The following SUSD1 variants were observed in gnomAD, a reference collection of about 807,000 sequenced individuals.
SUSD1 encodes the protein sushi domain-containing protein 1.
In SUSD1, 65 loss-of-function variants were observed where a neutral mutation model predicts 86.9. That is an observed-to-expected ratio of 0.75 (90% CI 0.61 to 0.92). The LOEUF is 0.92. Among genes scored for constraint, SUSD1 ranks in the 40% least tolerant of loss-of-function variants. SUSD1 has a pLI of 0.00. For missense variants in SUSD1, 850 were observed against 929.7 expected, an observed-to-expected ratio of 0.91 and a Z score of 1.11; for synonymous variants, 346 against 350.0, an observed-to-expected ratio of 0.99 and a Z score of 0.13.
At chr9:112,057,268 T>A (rs1266432227) in intron 14 of SUSD1, among the ~76,000 whole-genome samples, 1 of 152,154 alleles carries the variant, frequency 6.6e-6, no homozygotes, top group Non-Finnish European at 1.5e-5. Context: ...GAGAAATAAA[T>A]GTCTGTTGCC....
intron 3 of SUSD1, among the ~76,000 whole-genome samples, chr9:112,148,351 C>T (rs572982558): frequency 1.3e-5 from 2 of 152,246 alleles, no homozygotes; most frequent in South Asian, 4.2e-4. Flanking sequence ...ATTCGACCAG[C>T]CTATGCTCAG....
At chr9:112,174,857 T>TG (rs1834200672) in intron 1 of SUSD1, among the ~76,000 whole-genome samples, 1 of 151,730 alleles carries the variant, frequency 6.6e-6, no homozygotes. Flanking sequence ...TCCTGGGCAG[T>TG]GGAGGTCCCT....
At chr9:112,154,733 G>A (rs1255386804) in intron 2 of SUSD1, among the ~76,000 whole-genome samples, 2 of 152,132 alleles carry the variant, frequency 1.3e-5, no homozygotes, top group South Asian at 2.1e-4. Flanking sequence ...GACCTCACTG[G>A]AAGGGACATT....
intron 5 of SUSD1, among the ~76,000 whole-genome samples, chr9:112,131,968 C>A (rs974734611): frequency 1.3e-5 from 2 of 152,092 alleles, no homozygotes; most frequent in Admixed American, 6.5e-5. Flanking sequence ...GTTTCAAGGG[C>A]CAAATTTATA....
intron 10 of SUSD1, among the ~76,000 whole-genome samples, chr9:112,097,675 A>G (rs1392070205): frequency 6.6e-6 from 1 of 152,076 alleles, no homozygotes; most frequent in Non-Finnish European, 1.5e-5. Flanking sequence ...CTGGGATTAC[A>G]GTCGTGAGCC....
chr9:112,168,754 T>C (rs1475438059), intron 1 of SUSD1, among the ~76,000 whole-genome samples: 1 of 152,130 alleles, frequency 6.6e-6, no homozygotes, highest in Non-Finnish European at 1.5e-5. Context: ...CAGGAGTTCA[T>C]GACTAGCCTG....
chr9:112,132,719 T>C (rs1390410410), intron 5 of SUSD1, among the ~76,000 whole-genome samples: 2 of 152,230 alleles, frequency 1.3e-5, no homozygotes, highest in Non-Finnish European at 2.9e-5. Flanking sequence ...GGGCTGTGCT[T>C]ATACCCTGTA....
chr9:112,133,549 C>G (rs558810805), intron 5 of SUSD1, among the ~76,000 whole-genome samples: 1 of 152,100 alleles, frequency 6.6e-6, no homozygotes, highest in Non-Finnish European at 1.5e-5. Flanking sequence ...TGCCATTTAC[C>G]GTACATAAAA....
chr9:112,132,608 C>T (rs1832079340), intron 5 of SUSD1, among the ~76,000 whole-genome samples: 1 of 152,200 alleles, frequency 6.6e-6, no homozygotes, highest in South Asian at 2.1e-4. Flanking sequence ...CTGCACAATG[C>T]TTACGTTCCA....
intron 5 of SUSD1, among the ~76,000 whole-genome samples, chr9:112,135,063 CAA>C (rs34814068): frequency 1.5e-5 from 2 of 132,728 alleles, no homozygotes; most frequent in Admixed American, 7.8e-5. Context: ...CAAACTGTCT[CAA>C]AAAAAAAAAA....
chr9:112,082,546 A>G (rs1797355864), intron 10 of SUSD1, among the ~76,000 whole-genome samples: 1 of 152,194 alleles, frequency 6.6e-6, no homozygotes, highest in African/African-American at 2.4e-5. Context: ...CAAGGAGTAT[A>G]GGCAGGATCT....
chr9:112,084,677 G>A (rs1829903866), intron 10 of SUSD1, among the ~76,000 whole-genome samples: 1 of 152,154 alleles, frequency 6.6e-6, no homozygotes, highest in Admixed American at 6.6e-5. Context: ...CCCCAGTAGA[G>A]CTCATCCCAA....
At chr9:112,138,803 A>G (rs1042504193) in intron 5 of SUSD1, among the ~76,000 whole-genome samples, 2 of 152,194 alleles carry the variant, frequency 1.3e-5, no homozygotes, top group African/African-American at 4.8e-5. Context: ...TATTGGATAC[A>G]TAATATTCCA....
chr9:112,098,527 G>A lies in SUSD1; in HGVS notation c.1417C>T (p.Leu473=). The change falls in exon 10 of 17, where the codon CTG becomes TTG. Residue 473 remains leucine, a synonymous_variant. Transcript: ENST00000374270. ...PTTDYTVNVT[L]LRSPKRHSVQ... ...GAGTGCCGCTTAGGAGATCTCAGCA[G>A]GGTCACATTCACCGTATAATCAGTC... 2 of 1,614,176 alleles carry A rather than the reference G, an allele frequency of 1.2e-6. No individual in the cohort carries two copies. The highest frequency in any genetic ancestry group is 1.7e-6 in the Non-Finnish European group (2 of 1,180,016).
intron 10 of SUSD1, among the ~76,000 whole-genome samples, chr9:112,093,972 C>T (rs2059964): frequency 0.64 from 97,720 of 152,008 alleles, 32,181 homozygotes; most frequent in East Asian, 0.78. Context: ...ATTATGTCTC[C>T]GCCTGCAAGA....
At position 112,110,857 on chromosome 9, in the gene SUSD1, A is replaced by T. The variant is rs535029046; in HGVS notation, c.1171+797T>A. ...CATTCCACTCCTTTTTTCAGCTAAC[A>T]CCTACCCTCCTGCACCCTAGGGGTG... On this transcript the variant is annotated intron_variant, in intron 8 of 16. Transcript: ENST00000374270. Among the ~76,000 whole-genome samples, 3 of 151,502 alleles carry T rather than the reference A, an allele frequency of 2.0e-5. No individual in the cohort carries two copies. The South Asian group carries it at 6.3e-4, about 32-fold the overall frequency.
At chr9:112,085,723 A>G (rs1310325393) in intron 10 of SUSD1, among the ~76,000 whole-genome samples, 2 of 152,222 alleles carry the variant, frequency 1.3e-5, no homozygotes, top group African/African-American at 4.8e-5. Context: ...GGCATGAACA[A>G]AGACACGGAG....
intron 8 of SUSD1, among the ~76,000 whole-genome samples, chr9:112,107,518 G>A (rs1830903736): frequency 6.6e-6 from 1 of 151,982 alleles, no homozygotes; most frequent in African/African-American, 2.4e-5. Flanking sequence ...AATGATGTAA[G>A]TTGGATAACT....
At chr9:112,106,743 G>A (rs902351251) in intron 8 of SUSD1, among the ~76,000 whole-genome samples, 3 of 82,972 alleles carry the variant, frequency 3.6e-5, no homozygotes, top group Non-Finnish European at 7.1e-5. Context: ...GAAATAAAAG[G>A]AAGTTTTAAA....
Sources: gnomAD v4.1 joint callset for allele counts (sites outside exome capture counted in the v4.1 genomes callset) on GRCh38, gnomAD v4.1.1 for gene constraint, MANE v1.5 for transcripts, NCBI Gene and HGNC (gene_info 2026-07-23, HGNC 2026-07-21) for gene names.